Variants in ADAMTSL3 observed in about 807,000 individuals in gnomAD.
The protein encoded by ADAMTSL3 is ADAMTS-like protein 3.
In ADAMTSL3, 128 loss-of-function variants were observed where a neutral mutation model predicts 201.7. That is an observed-to-expected ratio of 0.63 (90% CI 0.55 to 0.73). ADAMTSL3 has a LOEUF of 0.73. ADAMTSL3 is among the 30% of genes least tolerant of loss of function. ADAMTSL3 has a pLI of 0.00. For missense variants in ADAMTSL3, 1,990 were observed against 2,119.6 expected (o/e 0.94, Z 1.20); for synonymous variants, 738 against 748.4 (o/e 0.99, Z 0.23).
intron 3 of ADAMTSL3, among the ~76,000 whole-genome samples, chr15:83,739,597 A>G (rs2062422800): frequency 6.8e-6 from 1 of 146,996 alleles, no homozygotes; most frequent in Non-Finnish European, 1.5e-5. Flanking sequence ...TCAAAATCCA[A>G]AAAAAAATCT....
At chr15:83,995,262 C>G (rs2067667599) in intron 23 of ADAMTSL3, among the ~76,000 whole-genome samples, 1 of 152,110 alleles carries the variant, frequency 6.6e-6, no homozygotes. Flanking sequence ...CCATCTCTAC[C>G]ACAGAGATTT....
At chr15:83,694,649 C>T (rs1368544140) in intron 2 of ADAMTSL3, among the ~76,000 whole-genome samples, 1 of 152,040 alleles carries the variant, frequency 6.6e-6, no homozygotes, top group African/African-American at 2.4e-5. Context: ...GGCTTTCTTT[C>T]CGCTCCCCAT....
At chr15:83,832,802 A>G (rs2064183873) in intron 6 of ADAMTSL3, among the ~76,000 whole-genome samples, 1 of 152,150 alleles carries the variant, frequency 6.6e-6, no homozygotes, top group South Asian at 2.1e-4. Context: ...CTTGGGAACA[A>G]CTTTCCATTA....
intron 10 of ADAMTSL3, among the ~76,000 whole-genome samples, chr15:83,888,337 C>T (rs2065438351): frequency 6.6e-6 from 1 of 152,158 alleles, no homozygotes; most frequent in Non-Finnish European, 1.5e-5. Context: ...ATTGTCTCTC[C>T]TCAAATTATA....
intron 3 of ADAMTSL3, among the ~76,000 whole-genome samples, chr15:83,771,737 G>A (rs1411079647): frequency 6.6e-6 from 1 of 152,252 alleles, no homozygotes; most frequent in African/African-American, 2.4e-5. Context: ...AACAATGAGT[G>A]TGCAGATATC....
rs1205678088 is a variant in ADAMTSL3, at chr15:83,898,129, A to G, written c.1615+124A>G. The G allele has an allele frequency of 1.0e-5, 11 of 1,086,386 alleles. No individual in the cohort carries two copies. In the East Asian group the frequency reaches 1.0e-4, roughly 10 times the overall value. The allele number at this position is 1,086,386 out of a possible 1,614,324, so 67.3% of individuals were successfully genotyped here. On this transcript the variant is annotated intron_variant, in intron 14 of 29. Coordinates refer to ENST00000286744, the MANE Select transcript of ADAMTSL3 (RefSeq NM_207517.3). ...AAAATTGTTTTATTGACAGATTGCA[A>G]TAGACCTTCCCATCTAGATAAAGAA...
chr15:83,822,664 TC>T (rs2063908606), intron 6 of ADAMTSL3, among the ~76,000 whole-genome samples: 2 of 147,048 alleles, frequency 1.4e-5, no homozygotes, highest in Admixed American at 6.7e-5. Flanking sequence ...ACTCCTCACT[TC>T]CTAGATGGGA....
At chr15:83,986,547 C>A (rs1365224662) in intron 21 of ADAMTSL3, among the ~76,000 whole-genome samples, 1 of 152,138 alleles carries the variant, frequency 6.6e-6, no homozygotes, top group Non-Finnish European at 1.5e-5. Flanking sequence ...TAATAAGATC[C>A]ATTTTCATTT....
intron 6 of ADAMTSL3, among the ~76,000 whole-genome samples, chr15:83,830,252 A>T (rs922206482): frequency 6.6e-6 from 1 of 152,152 alleles, no homozygotes; most frequent in Non-Finnish European, 1.5e-5. Context: ...AGAAATATAG[A>T]TCTGGGGCTC....
At chr15:83,930,051 A>G (rs986799131) in intron 17 of ADAMTSL3, among the ~76,000 whole-genome samples, 1 of 152,186 alleles carries the variant, frequency 6.6e-6, no homozygotes, top group Admixed American at 6.5e-5. Context: ...ATAGCAAGGA[A>G]CTCTCAAAAG....
intron 4 of ADAMTSL3, among the ~76,000 whole-genome samples, chr15:83,775,632 G>A (rs1430181936): frequency 6.6e-6 from 1 of 152,138 alleles, no homozygotes; most frequent in Non-Finnish European, 1.5e-5. Flanking sequence ...AGGAAAGGGA[G>A]GCAGGAGAGT....
intron 8 of ADAMTSL3, among the ~76,000 whole-genome samples, chr15:83,860,411 A>G (rs538069818): frequency 3.0e-4 from 45 of 152,336 alleles, no homozygotes; most frequent in African/African-American, 1.0e-3. Flanking sequence ...TTTTCCCAGA[A>G]TACTGTGATT....
intron 23 of ADAMTSL3, among the ~76,000 whole-genome samples, 197 bp downstream of exon 23, chr15:83,991,411 A>G (rs1056902303): frequency 2.0e-5 from 3 of 152,244 alleles, no homozygotes; most frequent in Non-Finnish European, 4.4e-5. Context: ...AGACCGATGT[A>G]TAAAACAGAA....
At position 83,804,674 on chromosome 15, in the gene ADAMTSL3, G is replaced by T. The variant is rs750761426; in HGVS notation, c.342G>T (p.Arg114=). 1.9e-6 allele frequency: 3 copies of T among 1,581,172 alleles called. No individual in the cohort carries two copies. In the Admixed American group the frequency reaches 5.5e-5, roughly 29 times the overall value. The change falls in exon 5 of 30, where the codon CGG becomes CGT. Residue 114 remains arginine (R), a synonymous_variant. Coordinates refer to ENST00000286744, the MANE Select transcript of ADAMTSL3 (RefSeq NM_207517.3). ...TGRNCEGQNI[R]YKTCSNHDCP... is the part of the protein sequence containing the mutation. The stretch of plus-strand genomic sequence containing the variant: ...GGAATTGTGAAGGGCAGAACATTCG[G>T]TACAAGACATGCAGCAATCATGTAA...
At position 83,829,108 on chromosome 15, in the gene ADAMTSL3, C is replaced by T. The variant is rs538608853; in HGVS notation, c.601-8981C>T. 8.1e-3 allele frequency among the ~76,000 whole-genome samples: 1,233 copies of T among 152,298 alleles called. 11 individuals carry two copies. The highest frequency in any genetic ancestry group is 0.028 in the African/African-American group (1,174 of 41,558). ...ATAGTTTCAGAAGGAATGGTACCAG[C>T]TCCTCCTTGTACCTCTGGAAGAATT... On this transcript the variant is annotated intron_variant, in intron 6 of 29. Transcript: ENST00000286744.
intron 2 of ADAMTSL3, among the ~76,000 whole-genome samples, chr15:83,683,826 A>G (rs2061505646): frequency 6.6e-6 from 1 of 152,180 alleles, no homozygotes; most frequent in South Asian, 2.1e-4. Context: ...TGAGCTTCTC[A>G]TATAGGAGCT....
chr15:83,817,797 A>G (rs1486588974), intron 5 of ADAMTSL3, among the ~76,000 whole-genome samples: 11 of 152,118 alleles, frequency 7.2e-5, no homozygotes, highest in African/African-American at 2.7e-4. Context: ...TGTAATCCCA[A>G]CACTTTGGGA....
At chr15:83,822,819 G>T (rs1270335999) in intron 6 of ADAMTSL3, among the ~76,000 whole-genome samples, 1 of 149,926 alleles carries the variant, frequency 6.7e-6, no homozygotes, top group Non-Finnish European at 1.5e-5. Context: ...CTGCAATCTC[G>T]GCACTTTGGG....
At chr15:83,772,149 C>T (rs748871319) in intron 3 of ADAMTSL3, among the ~76,000 whole-genome samples, 7 of 152,134 alleles carry the variant, frequency 4.6e-5, no homozygotes, top group Non-Finnish European at 1.0e-4. Flanking sequence ...CCACCACGCC[C>T]GGCCTCCTTT....
Sources: allele counts gnomAD v4.1 joint callset (sites outside exome capture counted in the v4.1 genomes callset), GRCh38; gene constraint gnomAD v4.1.1; transcripts MANE v1.5; gene names NCBI Gene and HGNC (gene_info 2026-07-23, HGNC 2026-07-21).